Variants in MSRA observed in about 807,000 individuals in gnomAD.
MSRA encodes the protein methionine sulfoxide reductase A, also known as mitochondrial peptide methionine sulfoxide reductase.
A neutral mutation model predicts 31.3 loss-of-function variants in MSRA; 54 were observed. The observed-to-expected ratio is 1.73, with a 90% confidence interval of 1.39 to 2.17. The LOEUF (loss-of-function observed/expected upper bound fraction) is 2.17, where lower values mean the gene tolerates loss of function less well. MSRA is among the 30% of genes most tolerant of loss of function. The pLI is 0.00. For missense variants in MSRA, 507 were observed against 300.9 expected, an observed-to-expected ratio of 1.69 and a Z score of -5.07; for synonymous variants, 169 against 116.5, an observed-to-expected ratio of 1.45 and a Z score of -2.90.
At chr8:10,343,301 A>G (rs1327775962) in intron 5 of MSRA, among the ~76,000 whole-genome samples, 1 of 152,166 alleles carries the variant, frequency 6.6e-6, no homozygotes, top group African/African-American at 2.4e-5. Context: ...CAGAGCTAAG[A>G]TCGGATGTAA....
At chr8:10,128,204 C>T (rs930701324) in intron 1 of MSRA, among the ~76,000 whole-genome samples, 5 of 151,832 alleles carry the variant, frequency 3.3e-5, no homozygotes, top group African/African-American at 1.2e-4. Flanking sequence ...ATGATGAAAC[C>T]CCATCTCTAC....
At chr8:10,392,430 C>G (rs1806803790) in intron 5 of MSRA, among the ~76,000 whole-genome samples, 1 of 152,152 alleles carries the variant, frequency 6.6e-6, no homozygotes, top group African/African-American at 2.4e-5. Context: ...AGGCTGGGCA[C>G]TGAGTCCAGT....
chr8:10,320,069 T>C, intron 5 of MSRA, 80 bp downstream of exon 5: 1 of 837,298 alleles, frequency 1.2e-6, no homozygotes, highest in Non-Finnish European at 1.9e-6. Flanking sequence ...GGCAGTCTGC[T>C]GCTTTTCAAC....
chr8:10,322,646 G>C (rs1186741738), intron 5 of MSRA, among the ~76,000 whole-genome samples: 1 of 152,184 alleles, frequency 6.6e-6, no homozygotes, highest in African/African-American at 2.4e-5. Flanking sequence ...TGTTAGGACT[G>C]CTAACTGGGC....
At chr8:10,308,809 A>G (rs1801279734) in intron 4 of MSRA, among the ~76,000 whole-genome samples, 1 of 152,184 alleles carries the variant, frequency 6.6e-6, no homozygotes, top group Admixed American at 6.5e-5. Context: ...TCTGCCACCA[A>G]CATCAGGCAA....
At chr8:10,073,961 T>C (rs2093544177) in intron 1 of MSRA, among the ~76,000 whole-genome samples, 1 of 151,018 alleles carries the variant, frequency 6.6e-6, no homozygotes, top group African/African-American at 2.4e-5. Flanking sequence ...ATGACTTCAC[T>C]GATCTCTAAG....
intron 3 of MSRA, among the ~76,000 whole-genome samples, chr8:10,295,441 T>C (rs941456791): frequency 6.6e-6 from 1 of 152,176 alleles, no homozygotes; most frequent in East Asian, 1.9e-4. Context: ...ACAGACCACG[T>C]GGGCCTAGAC....
At chr8:10,073,279 A>T (rs147340957) in intron 1 of MSRA, among the ~76,000 whole-genome samples, 3 of 152,192 alleles carry the variant, frequency 2.0e-5, no homozygotes, top group African/African-American at 4.8e-5. Flanking sequence ...TTATTGAGTT[A>T]CGGTAGTTCC....
intron 5 of MSRA, among the ~76,000 whole-genome samples, chr8:10,404,498 C>T (rs939303393): frequency 3.3e-5 from 5 of 152,204 alleles, no homozygotes; most frequent in African/African-American, 1.2e-4. Context: ...GGCATTCCTG[C>T]GGGGTGGCCC....
chr8:10,392,684 T>C (rs1806822830), intron 5 of MSRA, among the ~76,000 whole-genome samples: 1 of 151,466 alleles, frequency 6.6e-6, no homozygotes, highest in Admixed American at 6.6e-5. Context: ...TCGGCCCTTT[T>C]TTTTTTTTTT....
intron 1 of MSRA, among the ~76,000 whole-genome samples, chr8:10,182,036 G>A (rs952124443): frequency 3.9e-5 from 6 of 152,190 alleles, no homozygotes; most frequent in African/African-American, 1.4e-4. Context: ...AGTTCTCTTG[G>A]TACATGACCC....
At chr8:10,201,549 G>A (rs1808503260) in intron 1 of MSRA, among the ~76,000 whole-genome samples, 1 of 152,208 alleles carries the variant, frequency 6.6e-6, no homozygotes, top group Non-Finnish European at 1.5e-5. Flanking sequence ...AGGACAGGGA[G>A]CTCATCCCTG....
chr8:10,055,122 C>A (rs1802267369), intron 1 of MSRA, among the ~76,000 whole-genome samples: 1 of 151,906 alleles, frequency 6.6e-6, no homozygotes, highest in Non-Finnish European at 1.5e-5. Context: ...TGAGACGAGA[C>A]GATGAAAACC....
At chr8:10,065,474 A>C (rs946826613) in intron 1 of MSRA, among the ~76,000 whole-genome samples, 1 of 152,228 alleles carries the variant, frequency 6.6e-6, no homozygotes, top group Non-Finnish European at 1.5e-5. Context: ...TTTCTGGTGC[A>C]GTTTAGACCT....
At chr8:10,076,767 G>C (rs548883750) in intron 1 of MSRA, among the ~76,000 whole-genome samples, 1 of 152,140 alleles carries the variant, frequency 6.6e-6, no homozygotes, top group South Asian at 2.1e-4. Context: ...CTGCCTTTCC[G>C]CAAGTGTCTC....
chr8:10,395,514 T>C (rs1807041462), intron 5 of MSRA, among the ~76,000 whole-genome samples: 1 of 152,064 alleles, frequency 6.6e-6, no homozygotes, highest in African/African-American at 2.4e-5. Context: ...TTTAGAAAAA[T>C]CAGTCTAGCA....
chr8:10,077,883 T>C (rs938512766), intron 1 of MSRA, among the ~76,000 whole-genome samples: 1 of 152,194 alleles, frequency 6.6e-6, no homozygotes, highest in Non-Finnish European at 1.5e-5. Flanking sequence ...TCTGTAATTC[T>C]GTACGTTGTT....
At chr8:10,241,950 A>C (rs1797348275) in intron 2 of MSRA, among the ~76,000 whole-genome samples, 2 of 152,224 alleles carry the variant, frequency 1.3e-5, no homozygotes, top group South Asian at 2.1e-4. Flanking sequence ...GTCAAAGGAA[A>C]AGAATGGAGA....
intron 1 of MSRA, among the ~76,000 whole-genome samples, chr8:10,113,928 C>G (rs1405191181): frequency 6.6e-6 from 1 of 152,114 alleles, no homozygotes; most frequent in Non-Finnish European, 1.5e-5. Flanking sequence ...TTATTATCCC[C>G]AAAAGAAACT....
Sources: gnomAD v4.1 joint callset for allele counts (sites outside exome capture counted in the v4.1 genomes callset) on GRCh38, gnomAD v4.1.1 for gene constraint, MANE v1.5 for transcripts, NCBI Gene and HGNC (gene_info 2026-07-23, HGNC 2026-07-21) for gene names.